The following POLR2F variants were observed in gnomAD, a reference collection of about 807,000 sequenced individuals.
POLR2F encodes DNA-directed RNA polymerases I, II, and III subunit RPABC2.
In POLR2F, 12 loss-of-function variants were observed where a neutral mutation model predicts 22.7. The observed-to-expected ratio is 0.53, with a 90% CI of 0.34 to 0.86. The LOEUF (loss-of-function observed/expected upper bound fraction) is 0.86, where lower values mean the gene tolerates loss of function less well. POLR2F is among the 40% of genes least tolerant of loss of function. POLR2F has a pLI of 0.02. For missense variants in POLR2F, 126 were observed against 171.5 expected, an observed-to-expected ratio of 0.73 and a Z score of 1.48; for synonymous variants, 57 against 66.0, an observed-to-expected ratio of 0.86 and a Z score of 0.66.
chr22:38,015,908 G>A (rs779883190), intron 1 of POLR2F, among the ~76,000 whole-genome samples: 3 of 152,064 alleles, frequency 2.0e-5, no homozygotes, highest in Non-Finnish European at 2.9e-5. Flanking sequence ...CATAAGTGGC[G>A]GTGGGGGTGC....
intron 1 of POLR2F, among the ~76,000 whole-genome samples, chr22:38,004,501 C>G (rs186390124): frequency 4.2e-4 from 64 of 152,268 alleles, no homozygotes; most frequent in African/African-American, 1.5e-3. Context: ...TCGCTGAGTT[C>G]TCATGACTGC....
At chr22:38,038,577 C>T (rs142849389) in intron 5 of POLR2F, among the ~76,000 whole-genome samples, 4 of 152,286 alleles carry the variant, frequency 2.6e-5, no homozygotes, top group East Asian at 3.9e-4. Flanking sequence ...CTTGCGCCCG[C>T]GCCCATGGGG....
At chr22:38,022,050 G>C (rs1393703136) in intron 1 of POLR2F, among the ~76,000 whole-genome samples, 1 of 150,758 alleles carries the variant, frequency 6.6e-6, no homozygotes, top group Non-Finnish European at 1.5e-5. Flanking sequence ...AGGATCACTT[G>C]AACCCGGGAT....
intron 1 of POLR2F, among the ~76,000 whole-genome samples, chr22:37,992,807 T>C (rs1250611002): frequency 6.6e-6 from 1 of 152,246 alleles, no homozygotes; most frequent in East Asian, 1.9e-4. Context: ...CCAGGGCCGA[T>C]GGCCATCCAT....
At chr22:37,990,936 T>C (rs1932714647) in intron 1 of POLR2F, among the ~76,000 whole-genome samples, 1 of 152,224 alleles carries the variant, frequency 6.6e-6, no homozygotes, top group African/African-American at 2.4e-5. Context: ...AGGACACTGA[T>C]AGGCATCTCT....
intron 1 of POLR2F, among the ~76,000 whole-genome samples, chr22:38,000,940 T>C (rs1011314373): frequency 3.4e-4 from 51 of 152,102 alleles, no homozygotes; most frequent in African/African-American, 1.2e-3. Flanking sequence ...GAAGTGTTTA[T>C]GGGATGGAAT....
intron 3 of POLR2F, among the ~76,000 whole-genome samples, chr22:37,965,790 G>T (rs1010165267): frequency 3.9e-5 from 6 of 152,186 alleles, no homozygotes; most frequent in African/African-American, 1.4e-4. Flanking sequence ...AGGCTCTCAG[G>T]CCGCTTCACT....
chr22:37,966,895 T>G (rs1336453155), intron 3 of POLR2F, among the ~76,000 whole-genome samples: 1 of 152,216 alleles, frequency 6.6e-6, no homozygotes, highest in Non-Finnish European at 1.5e-5. Context: ...CATTCTGCTG[T>G]GGCCGCTGGA....
intron 1 of POLR2F, among the ~76,000 whole-genome samples, chr22:37,954,072 T>G (rs959014230): frequency 1.4e-4 from 22 of 152,204 alleles, no homozygotes; most frequent in African/African-American, 5.1e-4. Flanking sequence ...AGCCGGGCTC[T>G]GTATCATGCA....
chr22:37,983,649 G>A (rs1168500667), upstream of POLR2F: 1 of 1,597,024 alleles, frequency 6.3e-7, no homozygotes, highest in Non-Finnish European at 8.5e-7. This position sits in a 1 kb window ranked among gnomAD's most constrained non-coding sequence, Gnocchi z 9.5. Flanking sequence ...CCTGGCCCCG[G>A]GCTGGCTCGC....
In POLR2F at chr22:37,968,182, C is replaced by T. The variant is rs1931932438; in HGVS notation, c.*467C>T. 2.0e-6 allele frequency: 2 copies of T among 985,446 alleles called. No homozygotes were observed. The highest frequency in any genetic ancestry group is 9.4e-5 in the South Asian group (2 of 21,302). 61.0% of individuals were successfully genotyped at this position (985,446 alleles called of 1,614,324 possible). On this transcript the variant is annotated 3_prime_UTR_variant, in exon 5 of 5. Transcript: ENST00000442738. The stretch of plus-strand genomic sequence containing the variant: ...TGTTTCCTAAGGACCTGCTTCGAGC[C>T]TCTTATCGTGGGCTCGGATCCCCTT...
In POLR2F at chr22:38,031,909, T is replaced by G. The variant is rs999626829; in HGVS notation, c.453-9159T>G. Among the ~76,000 whole-genome samples the G allele has an allele frequency of 6.6e-6, 1 of 152,232 alleles. No individual in the cohort carries two copies. Among genetic ancestry groups the G allele is most frequent in the South Asian group, 2.1e-4 (1 of 4,824 alleles). ...ATGACAATTTTTCCTTCCAAACACATCCGTAGTCCCCTCCCCAGCATTCTA... is the reference window on the plus strand; with the variant it reads ...ATGACAATTTTTCCTTCCAAACACAGCCGTAGTCCCCTCCCCAGCATTCTA... On this transcript the variant is annotated intron_variant, in intron 5 of 5. Coordinates refer to the POLR2F transcript ENST00000407936. The surrounding 1 kb of genome is among the most constrained non-coding windows in gnomAD (Gnocchi z 4.1).
rs55809532 is a variant in POLR2F, at chr22:38,040,917, A to G, written c.453-151A>G. On this transcript the variant is annotated intron_variant, in intron 5 of 5. Coordinates refer to the POLR2F transcript ENST00000407936. The stretch of plus-strand genomic sequence containing the variant: ...GGGAACATGGGGGCAAGGACCCTGG[A>G]CAGGAGTGGTCAAGTCAGCCAGAGG... The G allele has an allele frequency of 8.2e-3, 10,170 of 1,234,514 alleles. 604 individuals carry two copies. The African/African-American group carries it at 0.13, about 16-fold the overall frequency. 76.5% of individuals were successfully genotyped at this position (1,234,514 alleles called of 1,614,324 possible).
At chr22:38,018,255 C>T (rs111798285) in intron 1 of POLR2F, among the ~76,000 whole-genome samples, 1 of 152,086 alleles carries the variant, frequency 6.6e-6, no homozygotes, top group Admixed American at 6.6e-5. Flanking sequence ...GTTAAGGGTT[C>T]GGTGTAGGGT....
intron 1 of POLR2F, among the ~76,000 whole-genome samples, chr22:37,991,941 T>C (rs1932736222): frequency 6.6e-6 from 1 of 152,194 alleles, no homozygotes; most frequent in East Asian, 1.9e-4. Context: ...CGTCAGCAGA[T>C]GAAGGGCTTG....
intron 1 of POLR2F, among the ~76,000 whole-genome samples, chr22:38,024,544 T>C (rs989590177): frequency 3.3e-5 from 5 of 152,102 alleles, no homozygotes; most frequent in African/African-American, 9.7e-5. Context: ...GTAACAGATG[T>C]TTGTGGGGGC....
upstream of POLR2F, chr22:37,953,683 G>A (rs1931219297): frequency 5.7e-6 from 8 of 1,392,750 alleles, no homozygotes; most frequent in African/African-American, 2.8e-5. Flanking sequence ...TCTGGGTTAC[G>A]GCGCAGGCGC....
At chr22:38,025,571 A>T in intron 1 of POLR2F, 2 of 1,494,830 alleles carry the variant, frequency 1.3e-6, no homozygotes, top group Non-Finnish European at 1.8e-6. Flanking sequence ...CATCTCTCTC[A>T]TTTCCAGACT....
intron 1 of POLR2F, among the ~76,000 whole-genome samples, chr22:38,004,052 T>A (rs1296021992): frequency 6.6e-6 from 1 of 152,122 alleles, no homozygotes; most frequent in Non-Finnish European, 1.5e-5. Flanking sequence ...TGCAGTGGCG[T>A]GACATAGCTC....
Sources: allele counts gnomAD v4.1 joint callset (sites outside exome capture counted in the v4.1 genomes callset), GRCh38; gene constraint gnomAD v4.1.1; non-coding constraint Gnocchi (gnomAD v3.1); transcripts MANE v1.5; gene names NCBI Gene and HGNC (gene_info 2026-07-23, HGNC 2026-07-21).